Variants in NCOA2 observed in about 807,000 individuals in gnomAD.
The protein encoded by NCOA2 is class E basic helix-loop-helix protein 75.
NCOA2 carries 21 observed loss-of-function variants against 145.1 expected under a neutral mutation model. That is an observed-to-expected ratio of 0.14 (90% CI 0.10 to 0.21). NCOA2 has a LOEUF of 0.21. Among genes scored for constraint, NCOA2 ranks in the 10% least tolerant of loss-of-function variants. The probability of loss-of-function intolerance (pLI) is 1.00; values close to 1 mark genes in which losing one functional copy is unlikely to be tolerated. For synonymous variants in NCOA2, 619 were observed against 637.5 expected (o/e 0.97, Z 0.44); for missense variants, 1,472 against 1,837.6 (o/e 0.80, Z 3.64).
At chr8:70,211,330 A>G (rs1250877101) in intron 4 of NCOA2, among the ~76,000 whole-genome samples, 1 of 151,978 alleles carries the variant, frequency 6.6e-6, no homozygotes, top group Non-Finnish European at 1.5e-5. Flanking sequence ...GTGGTGGCGC[A>G]TGCCTGTAAT....
intron 13 of NCOA2, among the ~76,000 whole-genome samples, chr8:70,143,581 T>C (rs879570630): frequency 3.9e-5 from 6 of 152,200 alleles, no homozygotes; most frequent in African/African-American, 1.4e-4. Flanking sequence ...CAATAAATAT[T>C]TGCTGAAGGA....
the NCOA2 span, among the ~76,000 whole-genome samples, chr8:70,438,620 A>C: frequency 5.9e-5 from 9 of 152,200 alleles, no homozygotes; most frequent in Non-Finnish European, 1.2e-4. Flanking sequence ...GAAAATTTTA[A>C]AGAGATTGAC....
the NCOA2 span, among the ~76,000 whole-genome samples, chr8:70,445,012 T>C: frequency 6.6e-6 from 1 of 152,218 alleles, no homozygotes; most frequent in Non-Finnish European, 1.5e-5. Flanking sequence ...GTGTGAGACG[T>C]TGAATGCTGT....
chr8:70,304,912 TGTG>T (rs1302716277), intron 1 of NCOA2, among the ~76,000 whole-genome samples: 1 of 150,900 alleles, frequency 6.6e-6, no homozygotes, highest in Non-Finnish European at 1.5e-5. Flanking sequence ...GCTGGAGTGC[TGTG>T]GTGCAACCAC....
intron 2 of NCOA2, chr8:70,245,149 A>C (rs1822502917): frequency 6.6e-6 from 1 of 152,128 alleles, no homozygotes; most frequent in Non-Finnish European, 1.5e-5. Context: ...ATTGCCTCAG[A>C]GATAAATCTC....
At chr8:70,347,330 CA>C (rs1808761601) in intron 1 of NCOA2, among the ~76,000 whole-genome samples, 1 of 151,760 alleles carries the variant, frequency 6.6e-6, no homozygotes, top group African/African-American at 2.4e-5. Context: ...ACTAAAAATA[CA>C]AAAATTAGCC....
At chr8:70,416,167 T>A in the NCOA2 span, among the ~76,000 whole-genome samples, 1 of 151,422 alleles carries the variant, frequency 6.6e-6, no homozygotes, top group Non-Finnish European at 1.5e-5. Context: ...ACAGAATTCC[T>A]TCCTTCTTGG....
chr8:70,163,970 T>C (rs1267146213), intron 7 of NCOA2, among the ~76,000 whole-genome samples: 2 of 152,188 alleles, frequency 1.3e-5, no homozygotes, highest in African/African-American at 4.8e-5. Context: ...AACTAAAATA[T>C]GATACTCTTG....
chr8:70,351,163 A>G (rs1809152529), intron 1 of NCOA2, among the ~76,000 whole-genome samples: 1 of 152,218 alleles, frequency 6.6e-6, no homozygotes, highest in Non-Finnish European at 1.5e-5. Flanking sequence ...CCCTCTTAAT[A>G]CTGTCACAAT....
intron 14 of NCOA2, among the ~76,000 whole-genome samples, chr8:70,139,964 T>C (rs1810194635): frequency 6.6e-6 from 1 of 152,132 alleles, no homozygotes; most frequent in African/African-American, 2.4e-5. Flanking sequence ...CATTGTGCAA[T>C]ATCTAAGTAT....
chr8:70,137,911 A>C (rs1160862866), intron 15 of NCOA2: 1 of 229,074 alleles, frequency 4.4e-6, no homozygotes, highest in African/African-American at 2.3e-5. Flanking sequence ...TTCTCCAAGC[A>C]TCCTGGTTGG....
At chr8:70,158,231 T>C (rs1034181605) in intron 10 of NCOA2, among the ~76,000 whole-genome samples, 1 of 152,180 alleles carries the variant, frequency 6.6e-6, no homozygotes, top group Non-Finnish European at 1.5e-5. Flanking sequence ...AATTGAGAAA[T>C]GTGATAAAAT....
chr8:70,221,444 A>G (rs1224062299), intron 2 of NCOA2, among the ~76,000 whole-genome samples: 1 of 152,152 alleles, frequency 6.6e-6, no homozygotes, highest in East Asian at 1.9e-4. Context: ...TTATAAGGAT[A>G]AAAGCAAAAT....
At chr8:70,382,422 A>G (rs1434059729) in intron 1 of NCOA2, among the ~76,000 whole-genome samples, 1 of 152,164 alleles carries the variant, frequency 6.6e-6, no homozygotes, top group African/African-American at 2.4e-5. Flanking sequence ...TGTCGTTTCC[A>G]CAAGGAAGAA....
At chr8:70,376,801 G>C (rs1811704847) in intron 1 of NCOA2, among the ~76,000 whole-genome samples, 1 of 152,236 alleles carries the variant, frequency 6.6e-6, no homozygotes, top group South Asian at 2.1e-4. Flanking sequence ...ACTATTTCCT[G>C]TCAAAATCTT....
At chr8:70,446,608 C>T in the NCOA2 span, among the ~76,000 whole-genome samples, 1 of 151,958 alleles carries the variant, frequency 6.6e-6, no homozygotes, top group Non-Finnish European at 1.5e-5. Context: ...ATTGTAAATC[C>T]CTATTTTTTT....
At chr8:70,219,964 T>G (rs1586150951) in intron 2 of NCOA2, among the ~76,000 whole-genome samples, 2 of 152,204 alleles carry the variant, frequency 1.3e-5, no homozygotes, top group South Asian at 2.1e-4. Flanking sequence ...CAGAGAGAGA[T>G]AGATAAGTTA....
At chr8:70,148,042 A>G (rs1811303004) in intron 12 of NCOA2, among the ~76,000 whole-genome samples, 1 of 152,194 alleles carries the variant, frequency 6.6e-6, no homozygotes, top group Non-Finnish European at 1.5e-5. Context: ...AATGTAGGTC[A>G]GTCTCCCTGT....
intron 14 of NCOA2, among the ~76,000 whole-genome samples, chr8:70,139,088 AAGG>A (rs747800309): frequency 2.6e-5 from 4 of 152,266 alleles, no homozygotes; most frequent in Non-Finnish European, 5.9e-5. Context: ...GCAGAGCAGA[AAGG>A]AGGCCAAGAC....
Sources: gnomAD v4.1 joint callset for allele counts (sites outside exome capture counted in the v4.1 genomes callset) on GRCh38, gnomAD v4.1.1 for gene constraint, MANE v1.5 for transcripts, NCBI Gene and HGNC (gene_info 2026-07-23, HGNC 2026-07-21) for gene names.